The following RIMS2 variants were observed in gnomAD, a reference collection of about 807,000 sequenced individuals.
The protein encoded by RIMS2 is regulating synaptic membrane exocytosis protein 2.
Under a neutral mutation model 174.4 loss-of-function variants are expected in RIMS2, and 59 were observed. The observed-to-expected ratio is 0.34, with a 90% CI of 0.27 to 0.42. The LOEUF is 0.42. Ranked by LOEUF, RIMS2 falls within the 10% of genes least tolerant of loss-of-function variation. The pLI, the probability that RIMS2 is intolerant of heterozygous loss-of-function variation, is 1.00. For missense variants in RIMS2, 1,620 were observed against 1,666.3 expected (o/e 0.97, Z 0.48); for synonymous variants, 606 against 572.5 (o/e 1.06, Z -0.84).
chr8:103,984,951 G>A (rs1042212167), intron 16 of RIMS2, among the ~76,000 whole-genome samples: 2 of 152,094 alleles, frequency 1.3e-5, no homozygotes, highest in Non-Finnish European at 2.9e-5. Context: ...CACAAACATT[G>A]CATGTTGTCA....
intron 9 of RIMS2, among the ~76,000 whole-genome samples, chr8:103,921,304 T>C (rs1433493057): frequency 6.6e-6 from 1 of 152,216 alleles, no homozygotes; most frequent in Non-Finnish European, 1.5e-5. Context: ...TGTCTTTCAG[T>C]TGCTTTAATG....
At chr8:104,139,283 T>C (rs2098547257) in intron 19 of RIMS2, among the ~76,000 whole-genome samples, 1 of 152,188 alleles carries the variant, frequency 6.6e-6, no homozygotes, top group Non-Finnish European at 1.5e-5. Flanking sequence ...TTTAGGGTTA[T>C]TGTTTCTATT....
Position 103,787,950 on chromosome 8 carries a change from C to G in RIMS2, c.698+21413C>G, listed in dbSNP as rs1173406060. Among the ~76,000 whole-genome samples, 11 of 152,226 alleles carry G rather than the reference C, an allele frequency of 7.2e-5. No individual in the cohort carries two copies. The East Asian group carries it at 2.1e-3, about 29-fold the overall frequency. ...GGTCTTTTCACATAGTCCCATACTT[C>G]TTGGAGGCTTTGCTCATTTCTTTTT... On this transcript the variant is annotated intron_variant, in intron 3 of 23. Transcript: ENST00000504942.
chr8:104,073,531 T>G (rs942079637), intron 19 of RIMS2, among the ~76,000 whole-genome samples: 8 of 152,200 alleles, frequency 5.3e-5, no homozygotes, highest in Admixed American at 2.0e-4. Flanking sequence ...TCACTCCTAT[T>G]ATAGCAGTTA....
At chr8:104,068,791 T>C (rs1001137204) in intron 19 of RIMS2, among the ~76,000 whole-genome samples, 179 bp downstream of exon 23, 1 of 152,192 alleles carries the variant, frequency 6.6e-6, no homozygotes, top group Non-Finnish European at 1.5e-5. Flanking sequence ...GAATTTGCCT[T>C]ACTTAAAAAA....
intron 1 of RIMS2, among the ~76,000 whole-genome samples, chr8:103,662,299 T>C (rs1346414339): frequency 6.6e-6 from 1 of 152,198 alleles, no homozygotes; most frequent in East Asian, 1.9e-4. Flanking sequence ...ATCATATCAC[T>C]GTGCATCATA....
intron 19 of RIMS2, among the ~76,000 whole-genome samples, chr8:104,224,365 G>A (rs2099172034): frequency 6.6e-6 from 1 of 152,212 alleles, no homozygotes. Flanking sequence ...TGAAAAACAC[G>A]AGGAGGAGGA....
chr8:104,152,415 C>A (rs1280519818), intron 19 of RIMS2, among the ~76,000 whole-genome samples: 1 of 152,126 alleles, frequency 6.6e-6, no homozygotes, highest in African/African-American at 2.4e-5. Context: ...TTAACTGTAG[C>A]ATAGCCAACA....
intron 3 of RIMS2, among the ~76,000 whole-genome samples, chr8:103,815,963 G>T (rs939716774): frequency 2.6e-5 from 4 of 152,160 alleles, no homozygotes; most frequent in African/African-American, 7.2e-5. Context: ...AGGTAATACA[G>T]CTAGTTTGGG....
rs75372565 is a variant in RIMS2, at chr8:103,524,050, A to G, written c.176+22988A>G. Among the ~76,000 whole-genome samples, 3 of 152,206 alleles carry G rather than the reference A, an allele frequency of 2.0e-5. No homozygotes were observed. In the East Asian group the frequency reaches 5.8e-4, roughly 29 times the overall value. On this transcript the variant is annotated intron_variant, in intron 1 of 23. Transcript: ENST00000504942. ...GTACTGACAACTGTAATTGTAATAA[A>G]AATTGGATTATATTTTAATAAAGAT...
At chr8:103,811,452 A>T (rs889878205) in intron 3 of RIMS2, among the ~76,000 whole-genome samples, 3 of 152,000 alleles carry the variant, frequency 2.0e-5, no homozygotes, top group Non-Finnish European at 4.4e-5. Flanking sequence ...TAAATTAATT[A>T]ATTTATTTTT....
intron 14 of RIMS2, among the ~76,000 whole-genome samples, chr8:103,944,551 A>G (rs2083275437): frequency 6.6e-6 from 1 of 151,898 alleles, no homozygotes; most frequent in South Asian, 2.1e-4. Context: ...ATCTACCAAC[A>G]TTTTTCATTT....
At chr8:103,704,640 A>G (rs1218308573) in intron 2 of RIMS2, among the ~76,000 whole-genome samples, 4 of 151,952 alleles carry the variant, frequency 2.6e-5, no homozygotes, top group African/African-American at 7.2e-5. Flanking sequence ...TATGGCTTCA[A>G]TCTTTTTACT....
chr8:104,043,558 A>G (rs761196331), intron 19 of RIMS2, among the ~76,000 whole-genome samples: 2 of 151,808 alleles, frequency 1.3e-5, no homozygotes. Flanking sequence ...GTGTTAAATC[A>G]TGTTTTCATG....
chr8:104,010,671 A>G (rs1032843591), intron 17 of RIMS2, among the ~76,000 whole-genome samples: 7 of 152,160 alleles, frequency 4.6e-5, no homozygotes, highest in Admixed American at 1.3e-4. Flanking sequence ...ATTAGAAAAT[A>G]TAAACTATTC....
At chr8:104,189,590 A>C (rs1310268376) in intron 19 of RIMS2, among the ~76,000 whole-genome samples, 2 of 147,746 alleles carry the variant, frequency 1.4e-5, no homozygotes, top group Non-Finnish European at 3.0e-5. Context: ...CATTATATAT[A>C]TATATATATT....
At chr8:103,871,309 G>A (rs774130541) in intron 3 of RIMS2, among the ~76,000 whole-genome samples, 3 of 152,078 alleles carry the variant, frequency 2.0e-5, no homozygotes, top group African/African-American at 4.8e-5. Flanking sequence ...CAAGAGAATC[G>A]CTTGAACCTG....
intron 20 of RIMS2, among the ~76,000 whole-genome samples, chr8:104,246,999 G>GGGGACAA (rs149401085): frequency 6.6e-6 from 1 of 151,214 alleles, no homozygotes; most frequent in African/African-American, 2.4e-5. Context: ...TGAGTGCTGA[G>GGGGACAA]GGGGCAAGGG....
intron 2 of RIMS2, among the ~76,000 whole-genome samples, chr8:103,707,657 C>T (rs1465856293): frequency 2.0e-5 from 3 of 152,106 alleles, no homozygotes; most frequent in Non-Finnish European, 4.4e-5. Context: ...ATGGGTGACT[C>T]GGCACTGCTG....
Sources: gnomAD v4.1 joint callset for allele counts (sites outside exome capture counted in the v4.1 genomes callset) on GRCh38, gnomAD v4.1.1 for gene constraint, MANE v1.5 for transcripts, NCBI Gene and HGNC (gene_info 2026-07-23, HGNC 2026-07-21) for gene names.